Variants in KCNT1 observed in about 807,000 individuals in gnomAD.
KCNT1 encodes the protein potassium channel subfamily T member 1.
Under a neutral mutation model 147.8 loss-of-function variants are expected in KCNT1, and 78 were observed. The ratio of observed to expected loss-of-function variants is 0.53; its 90% CI spans 0.44 to 0.64. The LOEUF is 0.64. Ranked by LOEUF, KCNT1 falls within the 30% of genes least tolerant of loss-of-function variation. The pLI is 0.00. For synonymous variants in KCNT1, 867 were observed against 748.8 expected (o/e 1.16, Z -2.58); for missense variants, 1,419 against 1,750.3 (o/e 0.81, Z 3.38).
chr9:135,737,516 CAT>C (rs1026961441), intron 2 of KCNT1, among the ~76,000 whole-genome samples: 1 of 152,220 alleles, frequency 6.6e-6, no homozygotes, highest in Non-Finnish European at 1.5e-5. Flanking sequence ...GGTGTGGGCA[CAT>C]GTCGTGGGCA....
intron 4 of KCNT1, 128 bp from the exon 5 acceptor site, chr9:135,753,809 G>A: frequency 1.1e-6 from 1 of 881,412 alleles, no homozygotes; most frequent in Non-Finnish European, 1.9e-6. Context: ...GCTCTGATGT[G>A]GGGGTTAGCC....
At chr9:135,786,147 C>A in intron 28 of KCNT1, 50 bp from the exon 29 acceptor site, 1 of 1,543,806 alleles carries the variant, frequency 6.5e-7, no homozygotes, top group Non-Finnish European at 8.8e-7. Context: ...GCCCGCGACC[C>A]TCCCGGCAGC....
rs188001089 is a variant in KCNT1, at chr9:135,783,738, C to A, written c.2842-286C>A. ...CAGGGCGCTTGACCAAGCGCAGTGCCCATGGCAGCCGCCGGGAGTCCACCT... is the reference window on the plus strand; with the variant it reads ...CAGGGCGCTTGACCAAGCGCAGTGCACATGGCAGCCGCCGGGAGTCCACCT... On this transcript the variant is annotated intron_variant, in intron 24 of 30. Transcript: ENST00000371757. 8.0e-4 allele frequency among the ~76,000 whole-genome samples: 122 copies of A among 152,372 alleles called. 1 individual carries two copies. In the South Asian group the frequency reaches 0.013, roughly 16 times the overall value.
chr9:135,754,837 G>A (rs188680024), intron 5 of KCNT1, among the ~76,000 whole-genome samples: 50 of 152,316 alleles, frequency 3.3e-4, no homozygotes, highest in African/African-American at 9.9e-4. Flanking sequence ...ATGGGCTGCA[G>A]GCCAAGGCTC....
At chr9:135,763,741 A>AT (rs1832067992) in intron 11 of KCNT1, among the ~76,000 whole-genome samples, 1 of 152,180 alleles carries the variant, frequency 6.6e-6, no homozygotes, top group Admixed American at 6.5e-5. Context: ...ACATCTGCAG[A>AT]GACCTATTTC....
chr9:135,733,694 C>T (rs573014380), intron 2 of KCNT1, among the ~76,000 whole-genome samples: 4 of 146,670 alleles, frequency 2.7e-5, no homozygotes, highest in Admixed American at 6.8e-5. Flanking sequence ...ACCACTCCAC[C>T]GAGGTGACCC....
chr9:135,743,040 G>T (rs1282926139), intron 2 of KCNT1, among the ~76,000 whole-genome samples: 1 of 152,174 alleles, frequency 6.6e-6, no homozygotes, highest in Non-Finnish European at 1.5e-5. Flanking sequence ...TGGGAAATGG[G>T]CTCCCCAGAG....
intron 2 of KCNT1, among the ~76,000 whole-genome samples, chr9:135,738,670 A>G (rs1421749423): frequency 1.3e-5 from 2 of 152,096 alleles, no homozygotes; most frequent in African/African-American, 4.8e-5. Flanking sequence ...GGACTGAGCC[A>G]CAGGAGGCGT....
rs1564327003 is a variant in KCNT1, at chr9:135,730,989, G to GCAAAA, written c.254+16269_254+16270insCAAAA. Among the ~76,000 whole-genome samples, 22 of 39,652 alleles carry GCAAAA rather than the reference G, an allele frequency of 5.5e-4. 1 individual carries two copies. The highest frequency in any genetic ancestry group is 2.2e-3 in the African/African-American group (22 of 10,194). The allele number at this position is 39,652 out of a possible 152,430, so 26.0% of individuals were successfully genotyped here. On this transcript the variant is annotated intron_variant, in intron 2 of 30. Coordinates refer to ENST00000371757, the MANE Select transcript of KCNT1 (RefSeq NM_020822.3). This position sits in a 1 kb window ranked among gnomAD's most constrained non-coding sequence, Gnocchi z 4.7. Reference sequence around the variant, plus strand: ...CAACAAAGTGAGATCCCGTCTCAAGGTAAAAAAAAAAAAAAAAAAAAAAAG... The same window carrying GCAAAA: ...CAACAAAGTGAGATCCCGTCTCAAGGCAAAATAAAAAAAAAAAAAAAAAAAAAAAG...
intron 2 of KCNT1, among the ~76,000 whole-genome samples, chr9:135,741,482 G>A (rs182606908): frequency 7.2e-5 from 11 of 152,356 alleles, no homozygotes; most frequent in South Asian, 2.1e-4. Context: ...AAGCTGAGCC[G>A]GACAAACACG....
chr9:135,718,639 G>A (rs1381455198), intron 2 of KCNT1, among the ~76,000 whole-genome samples: 1 of 152,212 alleles, frequency 6.6e-6, no homozygotes, highest in Non-Finnish European at 1.5e-5. Context: ...CAGGGCAGGT[G>A]CAATGTGGGG....
Position 135,757,246 on chromosome 9 carries a change from C to A in KCNT1, c.675+16C>A. 6.2e-7 allele frequency: 1 copy of A among 1,612,686 alleles called. No individual in the cohort carries two copies. Among genetic ancestry groups the A allele is most frequent in the South Asian group, 1.1e-5 (1 of 91,032 alleles). ...CATCATCACGGTGGGTGAGCCCCAG[C>A]TGCCAGGAGTGCGGGCCCTGGAGCC... On this transcript the variant is annotated intron_variant, in intron 8 of 30. Transcript: ENST00000371757.
intron 2 of KCNT1, among the ~76,000 whole-genome samples, chr9:135,738,443 G>C (rs1588288857): frequency 6.6e-6 from 1 of 152,162 alleles, no homozygotes; most frequent in African/African-American, 2.4e-5. Flanking sequence ...CTGGAGTGTG[G>C]ATCTCACGGA....
At chr9:135,788,221 G>T in intron 29 of KCNT1, 1 of 1,403,630 alleles carries the variant, frequency 7.1e-7, no homozygotes, top group South Asian at 1.2e-5. Flanking sequence ...ACCCTTCACC[G>T]CCGGCAGCCT....
intron 1 of KCNT1, 35 bp downstream of exon 1, chr9:135,702,403 C>A (rs1327209202): frequency 1.4e-6 from 2 of 1,468,616 alleles, no homozygotes; most frequent in South Asian, 2.3e-5. Flanking sequence ...CGCGGGGAGG[C>A]CCCGGTCTAA....
rs1187563614 is a variant in KCNT1, at chr9:135,714,819, C to G, written c.254+99C>G. 2 of 878,522 alleles carry G rather than the reference C, an allele frequency of 2.3e-6. No individual in the cohort carries two copies. Among genetic ancestry groups the G allele is most frequent in the Non-Finnish European group, 2.9e-6 (2 of 699,438 alleles). The allele number at this position is 878,522 out of a possible 1,614,324, so 54.4% of individuals were successfully genotyped here. A position where few individuals can be genotyped will look rare whatever the true frequency, so the allele number is the denominator to read the frequency against. On this transcript the variant is annotated intron_variant, in intron 2 of 30. Coordinates refer to ENST00000371757, the MANE Select transcript of KCNT1 (RefSeq NM_020822.3). The surrounding 1 kb of genome is among the most constrained non-coding windows in gnomAD (Gnocchi z 6.2). ...GCTGACGGCCGGTCCCGCGCGCCCC[C>G]GCAGCCGCCGGCGCCCTTCAACTTT...
chr9:135,742,784 A>G, intron 2 of KCNT1: 1 of 717,230 alleles, frequency 1.4e-6, no homozygotes. Flanking sequence ...TTCCTGTAGA[A>G]GATTTCAGCC....
At position 135,784,811 on chromosome 9, in the gene KCNT1, C is replaced by G. The variant is rs1588401995; in HGVS notation, c.3078C>G (p.Phe1026Leu). 2 of 1,612,888 alleles carry G rather than the reference C, an allele frequency of 1.2e-6. No homozygotes were observed. The highest frequency in any genetic ancestry group is 2.7e-5 in the African/African-American group (2 of 75,056). The stretch of plus-strand genomic sequence containing the variant: ...GGATCCGCACGTACGGCCGCCTCTT[C>G]CAGAAGCTCTGCTCCTCCAGCGCCG... ...DLWIRTYGRL[F>L]QKLCSSSAEI... is the part of the protein sequence containing the mutation. Residue 1026 changes from phenylalanine (F) to leucine (L), a missense_variant, in exon 27 of 31, where the codon TTC becomes TTG. Physicochemically the swap from Phe to Leu is conservative, Grantham distance 22. Transcript: ENST00000371757.
At chr9:135,772,236 C>T (rs769856343) in intron 18 of KCNT1, among the ~76,000 whole-genome samples, 1 of 152,166 alleles carries the variant, frequency 6.6e-6, no homozygotes, top group Admixed American at 6.5e-5. Context: ...ACTGTACCCA[C>T]AGAGGCCCTG....
Sources: gnomAD v4.1 joint callset for allele counts (sites outside exome capture counted in the v4.1 genomes callset) on GRCh38, gnomAD v4.1.1 for gene constraint, Gnocchi (gnomAD v3.1) non-coding constraint, MANE v1.5 for transcripts, NCBI Gene and HGNC (gene_info 2026-07-23, HGNC 2026-07-21) for gene names.